The following CSMD1 variants were observed in gnomAD, a reference collection of about 807,000 sequenced individuals.
CSMD1 encodes the protein CUB and sushi domain-containing protein 1.
Under a neutral mutation model 417.5 loss-of-function variants are expected in CSMD1, and 213 were observed. That is an observed-to-expected ratio of 0.51 (90% CI 0.46 to 0.57). CSMD1 has a LOEUF of 0.57. Among genes scored for constraint, CSMD1 ranks in the 20% least tolerant of loss-of-function variants. The pLI is 0.00. For synonymous variants in CSMD1, 2,862 were observed against 1,736.8 expected, an observed-to-expected ratio of 1.65 and a Z score of -16.11; for missense variants, 6,923 against 4,529.7, an observed-to-expected ratio of 1.53 and a Z score of -15.17.
At chr8:3,126,796 T>A (rs1348299622) in intron 41 of CSMD1, among the ~76,000 whole-genome samples, 4 of 152,158 alleles carry the variant, frequency 2.6e-5, no homozygotes, top group Non-Finnish European at 5.9e-5. Context: ...TTGTCAGAGT[T>A]TTGGGCCTCG....
At chr8:3,535,620 T>C (rs1289477079) in intron 10 of CSMD1, among the ~76,000 whole-genome samples, 1 of 152,180 alleles carries the variant, frequency 6.6e-6, no homozygotes. Flanking sequence ...ATGTACCTTA[T>C]TCAAGTAACA....
intron 6 of CSMD1, among the ~76,000 whole-genome samples, chr8:3,746,047 C>T (rs147177883): frequency 9.2e-5 from 14 of 152,232 alleles, no homozygotes; most frequent in Non-Finnish European, 1.5e-4. Flanking sequence ...CAAAGCACAC[C>T]GCTACCTACA....
intron 3 of CSMD1, among the ~76,000 whole-genome samples, chr8:4,049,616 T>C (rs778320920): frequency 5.3e-5 from 8 of 152,122 alleles, no homozygotes; most frequent in Admixed American, 3.3e-4. Context: ...TAATATTTCA[T>C]TGCTCTGTAA....
intron 1 of CSMD1, among the ~76,000 whole-genome samples, chr8:4,887,944 G>C (rs1210340973): frequency 2.6e-5 from 4 of 151,928 alleles, no homozygotes; most frequent in Non-Finnish European, 1.5e-5. Context: ...GTCTCATGTA[G>C]TCAATATATG....
chr8:3,460,375 T>G (rs73174851), intron 12 of CSMD1, among the ~76,000 whole-genome samples: 5 of 152,064 alleles, frequency 3.3e-5, no homozygotes, highest in Non-Finnish European at 5.9e-5. Flanking sequence ...GAGATGAAGA[T>G]GGAATCTGGA....
intron 4 of CSMD1, among the ~76,000 whole-genome samples, chr8:4,030,712 T>A (rs2263474): frequency 0.94 from 142,549 of 152,246 alleles, 66,811 homozygotes; most frequent in East Asian, 0.99. Flanking sequence ...GTTGGCTTGA[T>A]TTTCTCCTTG....
At chr8:4,223,702 A>AT (rs1801180999) in intron 3 of CSMD1, among the ~76,000 whole-genome samples, 2 of 152,170 alleles carry the variant, frequency 1.3e-5, no homozygotes, top group Admixed American at 6.5e-5. Context: ...GAGCCTGAAT[A>AT]TTTTTTTGTT....
intron 1 of CSMD1, among the ~76,000 whole-genome samples, chr8:4,941,700 G>C (rs1265514729): frequency 6.6e-6 from 1 of 151,996 alleles, no homozygotes; most frequent in African/African-American, 2.4e-5. Context: ...TCTAGCTCAA[G>C]CAATTCTCTC....
At chr8:4,176,490 T>C (rs553977750) in intron 3 of CSMD1, among the ~76,000 whole-genome samples, 1 of 152,222 alleles carries the variant, frequency 6.6e-6, no homozygotes, top group Admixed American at 6.5e-5. Context: ...ACCTCCTCAC[T>C]CACTACTGGT....
In CSMD1 at chr8:3,071,997, C is replaced by G. The variant is rs1346383876; in HGVS notation, c.7474+15100G>C. Among the ~76,000 whole-genome samples, 5 of 152,162 alleles carry G rather than the reference C, an allele frequency of 3.3e-5. 1 individual carries two copies. Among genetic ancestry groups the G allele is most frequent in the Non-Finnish European group, 7.3e-5 (5 of 68,038 alleles). On this transcript the variant is annotated intron_variant, in intron 49 of 69. Transcript: ENST00000635120. ...AAATGCGCATGTATAATCCACTGGT[C>G]TATTAACAGAAAACAAGCATGGTAA...
chr8:4,643,829 G>A (rs954968915), intron 1 of CSMD1, among the ~76,000 whole-genome samples: 1 of 152,140 alleles, frequency 6.6e-6, no homozygotes, highest in African/African-American at 2.4e-5. Context: ...GTGCCGTTCC[G>A]GGGACTTCGA....
At chr8:3,219,102 G>C (rs1798053520) in intron 29 of CSMD1, among the ~76,000 whole-genome samples, 153 bp downstream of exon 29, 1 of 152,104 alleles carries the variant, frequency 6.6e-6, no homozygotes. Context: ...ATCTTCACTG[G>C]AGAGGGAGGA....
chr8:4,945,827 G>C (rs1000439109), intron 1 of CSMD1, among the ~76,000 whole-genome samples: 19 of 152,134 alleles, frequency 1.2e-4, no homozygotes, highest in African/African-American at 4.1e-4. Flanking sequence ...GTTTTGGAGA[G>C]TCCAAGGTCA....
chr8:3,230,322 C>A, intron 26 of CSMD1, 91 bp from the exon 27 acceptor site: 2 of 964,998 alleles, frequency 2.1e-6, no homozygotes, highest in Non-Finnish European at 3.0e-6. Flanking sequence ...TTGAAGCACT[C>A]TTCATTGGCC....
chr8:4,056,735 T>C (rs1421472198), intron 3 of CSMD1, among the ~76,000 whole-genome samples: 2 of 151,928 alleles, frequency 1.3e-5, no homozygotes, highest in Non-Finnish European at 2.9e-5. Context: ...CCTTCCTGTG[T>C]CCATGCGTTC....
At chr8:3,854,665 G>A (rs1171580943) in intron 5 of CSMD1, among the ~76,000 whole-genome samples, 1 of 151,902 alleles carries the variant, frequency 6.6e-6, no homozygotes, top group Admixed American at 6.6e-5. Flanking sequence ...ATGTGGAAGA[G>A]AGGGGGATGG....
At chr8:3,519,693 A>C (rs1797421822) in intron 10 of CSMD1, among the ~76,000 whole-genome samples, 3 of 152,160 alleles carry the variant, frequency 2.0e-5, no homozygotes, top group Admixed American at 2.0e-4. Context: ...TCATTAATTT[A>C]ATGAATAAAG....
intron 5 of CSMD1, among the ~76,000 whole-genome samples, chr8:3,765,371 T>G (rs1798209791): frequency 6.6e-6 from 1 of 152,170 alleles, no homozygotes; most frequent in Non-Finnish European, 1.5e-5. Flanking sequence ...TCTCCTTGTC[T>G]TTAATAGACT....
chr8:3,917,105 AT>A (rs1808882199), intron 5 of CSMD1, among the ~76,000 whole-genome samples: 2 of 152,160 alleles, frequency 1.3e-5, no homozygotes, highest in African/African-American at 4.8e-5. Context: ...GAATTTTAAA[AT>A]CTTTGTCATA....
Sources: gnomAD v4.1 joint callset for allele counts (sites outside exome capture counted in the v4.1 genomes callset) on GRCh38, gnomAD v4.1.1 for gene constraint, MANE v1.5 for transcripts, NCBI Gene and HGNC (gene_info 2026-07-23, HGNC 2026-07-21) for gene names.